Variants in MARK2 observed in about 807,000 individuals in gnomAD.
The protein encoded by MARK2 is serine/threonine-protein kinase MARK2.
A neutral mutation model predicts 89.8 loss-of-function variants in MARK2; 16 were observed. That is an observed-to-expected ratio of 0.18 (90% CI 0.12 to 0.27). The LOEUF is 0.27. MARK2 is among the 10% of genes least tolerant of loss of function. MARK2 has a pLI of 1.00. For synonymous variants in MARK2, 382 were observed against 399.5 expected (o/e 0.96, Z 0.52); for missense variants, 621 against 1,049.9 (o/e 0.59, Z 5.65).
chr11:63,885,026 A>AAT (rs1364153264), intron 1 of MARK2, among the ~76,000 whole-genome samples: 1 of 152,066 alleles, frequency 6.6e-6, no homozygotes, highest in Non-Finnish European at 1.5e-5. Context: ...AACATGGAGA[A>AAT]ATCCTGTCTG....
intron 1 of MARK2, among the ~76,000 whole-genome samples, chr11:63,867,314 T>A (rs1938190151): frequency 1.3e-5 from 2 of 152,230 alleles, no homozygotes; most frequent in Admixed American, 1.3e-4. Context: ...AGGTGTGAGC[T>A]ACCACAGTTG....
At chr11:63,892,694 G>T (rs1939974586) in intron 1 of MARK2, among the ~76,000 whole-genome samples, 1 of 151,370 alleles carries the variant, frequency 6.6e-6, no homozygotes, top group African/African-American at 2.4e-5. Flanking sequence ...ATGTAAACCA[G>T]GGCGCTAATC....
intron 1 of MARK2, among the ~76,000 whole-genome samples, chr11:63,887,050 C>T (rs1301175952): frequency 6.6e-6 from 1 of 152,228 alleles, no homozygotes; most frequent in African/African-American, 2.4e-5. Flanking sequence ...GCTGTGGGAC[C>T]ACTGGGATAG....
At chr11:63,839,648 C>A in intron 1 of MARK2, 88 bp downstream of exon 1, 1 of 846,470 alleles carries the variant, frequency 1.2e-6, no homozygotes, top group Non-Finnish European at 1.9e-6. Flanking sequence ...TCCTCGTGCC[C>A]CTGCTGCCAT....
chr11:63,856,235 T>C (rs2016828530), intron 1 of MARK2, among the ~76,000 whole-genome samples: 1 of 151,780 alleles, frequency 6.6e-6, no homozygotes, highest in Non-Finnish European at 1.5e-5. Flanking sequence ...AAGCTAGTTC[T>C]CTGTGATGTG....
intron 17 of MARK2, among the ~76,000 whole-genome samples, chr11:63,907,190 C>T (rs1335159445): frequency 1.3e-5 from 2 of 152,012 alleles, no homozygotes; most frequent in Non-Finnish European, 2.9e-5. Context: ...ACATTGGTGC[C>T]ACAGCTGATG....
intron 1 of MARK2, among the ~76,000 whole-genome samples, chr11:63,870,819 G>A (rs1268609075): frequency 6.6e-6 from 1 of 152,178 alleles, no homozygotes; most frequent in African/African-American, 2.4e-5. Context: ...GAATGGGAGT[G>A]ACTGCTAGAG....
At chr11:63,889,632 C>G (rs1356414741) in intron 1 of MARK2, among the ~76,000 whole-genome samples, 1 of 152,264 alleles carries the variant, frequency 6.6e-6, no homozygotes, top group Non-Finnish European at 1.5e-5. Flanking sequence ...GCAAAACTAT[C>G]TTTTTATTTT....
At chr11:63,897,530 A>G (rs1337151365) in intron 3 of MARK2, among the ~76,000 whole-genome samples, 1 of 152,238 alleles carries the variant, frequency 6.6e-6, no homozygotes, top group Non-Finnish European at 1.5e-5. Context: ...TGTGCAAGTG[A>G]TGAGGCCTGA....
intron 1 of MARK2, among the ~76,000 whole-genome samples, chr11:63,892,822 TG>T (rs1384361764): frequency 6.7e-6 from 1 of 149,522 alleles, no homozygotes; most frequent in Non-Finnish European, 1.5e-5. Context: ...GAACTCCTCC[TG>T]GGTTCAAGCG....
intron 1 of MARK2, among the ~76,000 whole-genome samples, chr11:63,878,313 A>G (rs1257948817): frequency 1.3e-5 from 2 of 148,536 alleles, no homozygotes; most frequent in African/African-American, 2.5e-5. Flanking sequence ...TCTCCTACCC[A>G]GCCTTAAGCT....
rs962598592 is a variant in MARK2 at position 63,902,907 on chromosome 11, G to A, written c.1416+125G>A. The A allele has an allele frequency of 5.0e-5, 53 of 1,065,760 alleles. No homozygotes were observed. Among genetic ancestry groups the A allele is most frequent in the Middle Eastern group, 2.0e-4 (1 of 4,884 alleles). 66.0% of individuals were successfully genotyped at this position (1,065,760 alleles called of 1,614,324 possible). A position where few individuals can be genotyped will look rare whatever the true frequency, so the allele number is the denominator to read the frequency against. Reference sequence around the variant, plus strand: ...ACTTCTGCTTATAGCAGGAAGCCTCGCTCCCAGCAGTAAATGCAGAATCCT... The same window carrying A: ...ACTTCTGCTTATAGCAGGAAGCCTCACTCCCAGCAGTAAATGCAGAATCCT... On this transcript the variant is annotated intron_variant, in intron 13 of 18. Coordinates refer to ENST00000402010, the MANE Select transcript of MARK2 (RefSeq NM_001039469.3). This position sits in a 1 kb window ranked among gnomAD's most constrained non-coding sequence, Gnocchi z 4.2.
Position 63,909,238 on chromosome 11 carries a change from C to G in MARK2, c.*1C>G, listed in dbSNP as rs762507971. 1 of 1,582,644 alleles carries G rather than the reference C, an allele frequency of 6.3e-7. No homozygotes were observed. Among genetic ancestry groups the G allele is most frequent in the South Asian group, 1.1e-5 (1 of 89,920 alleles). ...AATAGCCAACGAGCTGAAGCTTTAA[C>G]AGGCTGCCAGGAGCGGGGGCGGCGG... On this transcript the variant is annotated 3_prime_UTR_variant, in exon 19 of 19. Coordinates refer to ENST00000402010, the MANE Select transcript of MARK2 (RefSeq NM_001039469.3).
At position 63,839,370 on chromosome 11, in the gene MARK2, GGCCTCC is replaced by G; in HGVS notation, c.-136_-131del. 1.8e-6 allele frequency: 1 copy of G among 562,676 alleles called. No homozygotes were observed. The highest frequency in any genetic ancestry group is 3.1e-6 in the Non-Finnish European group (1 of 326,396). 34.9% of individuals were successfully genotyped at this position (562,676 alleles called of 1,614,324 possible). A position where few individuals can be genotyped will look rare whatever the true frequency, so the allele number is the denominator to read the frequency against. On this transcript the variant is annotated 5_prime_UTR_variant, in exon 1 of 19. Transcript: ENST00000402010. ...CCCGGGCTGGCGTGAGCGGCTGCCC[GGCCTCC>G]CCGCACCCCCGGCCGGGGCCCATGC...
chr11:63,904,757 C>T lies in MARK2; in HGVS notation c.1677-29C>T. ...ATGGCTGTCCTGTACCCTAATTCGT[C>T]CCCCTCAACCCCACTTCTCTTCCCA... On this transcript the variant is annotated intron_variant, in intron 15 of 18. Coordinates refer to ENST00000402010, the MANE Select transcript of MARK2 (RefSeq NM_001039469.3). The surrounding 1 kb of genome is among the most constrained non-coding windows in gnomAD (Gnocchi z 6.3). 1 of 1,603,972 alleles carries T rather than the reference C, an allele frequency of 6.2e-7. No homozygotes were observed.
At chr11:63,891,958 C>T (rs916974595) in intron 1 of MARK2, among the ~76,000 whole-genome samples, 20 of 152,144 alleles carry the variant, frequency 1.3e-4, no homozygotes, top group Admixed American at 5.9e-4. Context: ...GGTGTGAACC[C>T]TAGAGTTCCT....
At chr11:63,849,060 A>G (rs2016429836) in intron 1 of MARK2, among the ~76,000 whole-genome samples, 1 of 152,086 alleles carries the variant, frequency 6.6e-6, no homozygotes, top group Admixed American at 6.5e-5. Flanking sequence ...GCTAGTATGC[A>G]GTGGTGTGAT....
chr11:63,901,422 G>GGTGTGTGTGTGTGTGTGT (rs147425490), intron 11 of MARK2, among the ~76,000 whole-genome samples: 13,157 of 139,538 alleles, frequency 0.094, 745 homozygotes, highest in Non-Finnish European at 0.13. Flanking sequence ...TACATTTCTG[G>GGTGTGTGTGTGTGTGTGT]GTGTGTGTGT....
chr11:63,876,823 C>G (rs976507697), intron 1 of MARK2, among the ~76,000 whole-genome samples: 1 of 152,170 alleles, frequency 6.6e-6, no homozygotes, highest in South Asian at 2.1e-4. Context: ...TGTGTAGCAG[C>G]ACATCTAACA....
Sources: allele counts gnomAD v4.1 joint callset (sites outside exome capture counted in the v4.1 genomes callset), GRCh38; gene constraint gnomAD v4.1.1; non-coding constraint Gnocchi (gnomAD v3.1); transcripts MANE v1.5; gene names NCBI Gene and HGNC (gene_info 2026-07-23, HGNC 2026-07-21).